The following PCSK2 variants were observed in gnomAD, a reference collection of about 807,000 sequenced individuals.
PCSK2 encodes the protein proprotein convertase subtilisin/kexin type 2.
PCSK2 carries 14 observed loss-of-function variants against 69.7 expected under a neutral mutation model. The ratio of observed to expected loss-of-function variants is 0.20; its 90% CI spans 0.13 to 0.31. PCSK2 has a LOEUF of 0.31. PCSK2 is among the 10% of genes least tolerant of loss of function. PCSK2 has a pLI of 1.00. For synonymous variants in PCSK2, 307 were observed against 320.7 expected, an observed-to-expected ratio of 0.96 and a Z score of 0.46; for missense variants, 544 against 842.5, an observed-to-expected ratio of 0.65 and a Z score of 4.39.
intron 2 of PCSK2, among the ~76,000 whole-genome samples, chr20:17,262,813 T>C (rs1446995135): frequency 6.6e-6 from 1 of 152,256 alleles, no homozygotes; most frequent in African/African-American, 2.4e-5. Flanking sequence ...TCCAGGCTTT[T>C]ATGTCTTACA....
In PCSK2 at chr20:17,436,853, G is replaced by C. The variant is rs189210077; in HGVS notation, c.855G>C (p.Thr285=). 1 of 1,613,266 alleles carries C rather than the reference G, an allele frequency of 6.2e-7. No individual in the cohort carries two copies. Among genetic ancestry groups the C allele is most frequent in the South Asian group, 1.1e-5 (1 of 91,034 alleles). ...GKTVDGPREL[T]LQAMADGVNK... ...CAGTGGATGGGCCCCGGGAGCTCAC[G>C]CTGCAGGCCATGGCCGATGGCGTGA... The change falls in exon 8 of 12, where the codon ACG becomes ACC. Residue 285 remains threonine (T), a synonymous_variant. Transcript: ENST00000262545.
intron 2 of PCSK2, among the ~76,000 whole-genome samples, chr20:17,313,680 G>A (rs1989587147): frequency 6.6e-6 from 1 of 152,092 alleles, no homozygotes; most frequent in South Asian, 2.1e-4. Context: ...TGCTTTCTGG[G>A]TCACTGCGGG....
chr20:17,321,014 C>T (rs1989848236), intron 2 of PCSK2, among the ~76,000 whole-genome samples: 1 of 152,314 alleles, frequency 6.6e-6, no homozygotes, highest in South Asian at 2.1e-4. Context: ...TCGGTTATTT[C>T]TGCCTTTTCC....
chr20:17,441,969 G>A (rs1370704557), intron 8 of PCSK2, among the ~76,000 whole-genome samples: 2 of 150,412 alleles, frequency 1.3e-5, no homozygotes, highest in African/African-American at 4.9e-5. Flanking sequence ...TCATATTGGA[G>A]TAGGATGGGC....
At chr20:17,473,492 T>C (rs2033240610) in intron 11 of PCSK2, among the ~76,000 whole-genome samples, 1 of 152,244 alleles carries the variant, frequency 6.6e-6, no homozygotes, top group African/African-American at 2.4e-5. Context: ...TTAAAATGTT[T>C]CTGCAGAGCC....
chr20:17,296,376 A>G (rs952251614), intron 2 of PCSK2, among the ~76,000 whole-genome samples: 4 of 152,214 alleles, frequency 2.6e-5, no homozygotes, highest in African/African-American at 9.7e-5. Flanking sequence ...AATTATAAAG[A>G]ATTACCAACT....
At chr20:17,289,621 CA>C (rs1988628493) in intron 2 of PCSK2, among the ~76,000 whole-genome samples, 1 of 152,110 alleles carries the variant, frequency 6.6e-6, no homozygotes, top group South Asian at 2.1e-4. Flanking sequence ...TAGAGAGTAT[CA>C]CTTTAAAAAT....
intron 5 of PCSK2, among the ~76,000 whole-genome samples, chr20:17,401,794 C>T (rs1188465211): frequency 6.6e-6 from 1 of 152,162 alleles, no homozygotes; most frequent in East Asian, 1.9e-4. Context: ...GTTTGTACTT[C>T]CCATTCGTAA....
At chr20:17,305,266 T>C (rs1712061578) in intron 2 of PCSK2, among the ~76,000 whole-genome samples, 1 of 152,304 alleles carries the variant, frequency 6.6e-6, no homozygotes, top group East Asian at 1.9e-4. Context: ...ATTTTAAATA[T>C]CAGAAGATTC....
intron 2 of PCSK2, among the ~76,000 whole-genome samples, chr20:17,264,197 T>A (rs1251238666): frequency 6.6e-6 from 1 of 152,230 alleles, no homozygotes; most frequent in Non-Finnish European, 1.5e-5. Flanking sequence ...CATAATTCTA[T>A]GAGTAACACA....
At chr20:17,446,057 T>C (rs1568653702) in intron 8 of PCSK2, among the ~76,000 whole-genome samples, 2 of 152,194 alleles carry the variant, frequency 1.3e-5, no homozygotes, top group African/African-American at 4.8e-5. Flanking sequence ...TTAGTAGCGT[T>C]GGCCCACCTG....
chr20:17,377,483 C>A (rs1483036669), intron 5 of PCSK2, among the ~76,000 whole-genome samples: 1 of 152,198 alleles, frequency 6.6e-6, no homozygotes, highest in Non-Finnish European at 1.5e-5. Flanking sequence ...AGGGCGACAG[C>A]AAGAAACCGG....
chr20:17,425,419 T>G lies in PCSK2; in HGVS notation c.621-4016T>G, dbSNP rs183584634. On this transcript the variant is annotated intron_variant, in intron 6 of 11. Transcript: ENST00000262545. ...CTAGACAAGGCAGCCATTTTTTTTC[T>G]GTTCATCAAAGACTGCTTTGTACTG... Among the ~76,000 whole-genome samples the G allele has an allele frequency of 1.6e-3, 248 of 152,302 alleles. 2 individuals are homozygous for G. The highest frequency in any genetic ancestry group is 5.8e-3 in the African/African-American group (243 of 41,564).
chr20:17,468,865 G>A (rs1477295020), intron 11 of PCSK2, among the ~76,000 whole-genome samples: 1 of 152,254 alleles, frequency 6.6e-6, no homozygotes, highest in African/African-American at 2.4e-5. Flanking sequence ...TCCCATGAGT[G>A]AGCATCCTCA....
intron 5 of PCSK2, among the ~76,000 whole-genome samples, chr20:17,399,479 G>T (rs551302340): frequency 1.5e-4 from 23 of 152,294 alleles, no homozygotes; most frequent in Non-Finnish European, 2.9e-4. Context: ...GACATCAGTA[G>T]AATTGACAGT....
chr20:17,437,011 C>G (rs778820425), intron 8 of PCSK2, 128 bp downstream of exon 8: 35 of 784,180 alleles, frequency 4.5e-5, no homozygotes, highest in Non-Finnish European at 6.5e-5. Flanking sequence ...AATCAGACAG[C>G]ACAGGGGCTT....
intron 8 of PCSK2, among the ~76,000 whole-genome samples, chr20:17,440,798 G>T (rs2023422): frequency 6.6e-6 from 1 of 151,138 alleles, no homozygotes; most frequent in Non-Finnish European, 1.5e-5. Flanking sequence ...GGAGGCAGAC[G>T]TTGCAGTGAG....
chr20:17,338,834 A>G (rs1010641375), intron 2 of PCSK2, among the ~76,000 whole-genome samples: 3 of 152,134 alleles, frequency 2.0e-5, no homozygotes, highest in African/African-American at 7.2e-5. Flanking sequence ...GACACTGGCA[A>G]TTCAAAGGGA....
intron 1 of PCSK2, among the ~76,000 whole-genome samples, chr20:17,251,660 G>C (rs181439217): frequency 6.6e-6 from 1 of 152,214 alleles, no homozygotes; most frequent in East Asian, 1.9e-4. Context: ...TTTTTTTTCA[G>C]CTAGCTACTT....
Sources: gnomAD v4.1 joint callset for allele counts (sites outside exome capture counted in the v4.1 genomes callset) on GRCh38, gnomAD v4.1.1 for gene constraint, MANE v1.5 for transcripts, NCBI Gene and HGNC (gene_info 2026-07-23, HGNC 2026-07-21) for gene names.